The following PTPN4 variants were observed in gnomAD, a reference collection of about 807,000 sequenced individuals.
PTPN4 encodes tyrosine-protein phosphatase non-receptor type 4.
PTPN4 carries 49 observed loss-of-function variants against 135.5 expected under a neutral mutation model. The ratio of observed to expected loss-of-function variants is 0.36; its 90% CI spans 0.29 to 0.46. The LOEUF is 0.46. Among genes scored for constraint, PTPN4 ranks in the 20% least tolerant of loss-of-function variants. PTPN4 has a pLI of 1.00. For synonymous variants in PTPN4, 333 were observed against 369.9 expected (o/e 0.90, Z 1.14); for missense variants, 860 against 1,101.0 (o/e 0.78, Z 3.10).
At chr2:119,943,930 C>T (rs1185168452) in intron 15 of PTPN4, among the ~76,000 whole-genome samples, 1 of 152,054 alleles carries the variant, frequency 6.6e-6, no homozygotes, top group Admixed American at 6.6e-5. Context: ...AAAAGTTACA[C>T]ATTCCACTTC....
chr2:119,824,980 G>A (rs1445987962), intron 2 of PTPN4, among the ~76,000 whole-genome samples: 1 of 152,180 alleles, frequency 6.6e-6, no homozygotes, highest in Non-Finnish European at 1.5e-5. Flanking sequence ...GAGCTACTGT[G>A]CCTGGCCAAA....
chr2:119,903,120 G>A (rs1192942445), intron 10 of PTPN4, among the ~76,000 whole-genome samples: 1 of 152,124 alleles, frequency 6.6e-6, no homozygotes, highest in African/African-American at 2.4e-5. Context: ...CCTGGGGAAT[G>A]GGCAGTGCAG....
chr2:119,869,741 G>A (rs1165171647), intron 3 of PTPN4, among the ~76,000 whole-genome samples: 1 of 152,054 alleles, frequency 6.6e-6, no homozygotes, highest in Non-Finnish European at 1.5e-5. Flanking sequence ...CCTACTTTTG[G>A]TTGCTTTCCA....
At chr2:119,923,451 A>G (rs1574406196) in intron 12 of PTPN4, among the ~76,000 whole-genome samples, 1 of 152,382 alleles carries the variant, frequency 6.6e-6, no homozygotes, top group Non-Finnish European at 1.5e-5. Context: ...TCCTTTGTCA[A>G]CCAAGTCCTA....
chr2:119,836,553 G>GAACA (rs1452857991), intron 2 of PTPN4, among the ~76,000 whole-genome samples: 1 of 152,240 alleles, frequency 6.6e-6, no homozygotes, highest in Middle Eastern at 3.2e-3. Flanking sequence ...CGGGAGCTGG[G>GAACA]AACAGGTGGG....
chr2:119,799,631 T>C (rs867091622), intron 1 of PTPN4, among the ~76,000 whole-genome samples: 1 of 152,198 alleles, frequency 6.6e-6, no homozygotes, highest in East Asian at 1.9e-4. Flanking sequence ...GAAGTTTGCC[T>C]AATTTAGGCA....
At chr2:119,931,733 C>A (rs370641719) in intron 13 of PTPN4, among the ~76,000 whole-genome samples, 1 of 151,950 alleles carries the variant, frequency 6.6e-6, no homozygotes, top group Non-Finnish European at 1.5e-5. Context: ...AGCCACCTCG[C>A]GCATCCAAGA....
rs549071123 is a variant in PTPN4 at position 119,981,961 on chromosome 2, G to A, written c.*4891G>A. The A allele has an allele frequency of 4.6e-5, 7 of 152,160 alleles. No individual in the cohort carries two copies. The highest frequency in any genetic ancestry group is 7.4e-5 in the Non-Finnish European group (5 of 68,006). 9.4% of individuals were successfully genotyped at this position (152,160 alleles called of 1,614,324 possible). A position where few individuals can be genotyped will look rare whatever the true frequency, so the allele number is the denominator to read the frequency against. ...GTAATCCAAGCTAAATGGGCAACCA[G>A]AAGTAATATCTGCTAGGGTGCAATC... On this transcript the variant is annotated 3_prime_UTR_variant, in exon 27 of 27. Coordinates refer to ENST00000263708, the MANE Select transcript of PTPN4 (RefSeq NM_002830.4).
At chr2:119,961,255 A>C (rs1679361558) in intron 23 of PTPN4, among the ~76,000 whole-genome samples, 2 of 152,128 alleles carry the variant, frequency 1.3e-5, no homozygotes, top group Non-Finnish European at 1.5e-5. Context: ...GCAATTTAAA[A>C]ATGGGCAATG....
In PTPN4 at chr2:119,983,028, G is replaced by T. The variant is rs1474584276; in HGVS notation, c.*5958G>T. ...TCACTCATGAAACTTGACTCAGTGA[G>T]GACTTCATTATTTTTATTTCTCTTT... On this transcript the variant is annotated 3_prime_UTR_variant, in exon 27 of 27. Transcript: ENST00000263708. The T allele has an allele frequency of 6.6e-6, 1 of 152,112 alleles. No individual in the cohort carries two copies. 9.4% of individuals were successfully genotyped at this position (152,112 alleles called of 1,614,324 possible).
At chr2:119,873,253 C>G (rs1033416061) in intron 3 of PTPN4, among the ~76,000 whole-genome samples, 2 of 151,226 alleles carry the variant, frequency 1.3e-5, no homozygotes, top group Admixed American at 6.6e-5. Flanking sequence ...CAGAAAGATA[C>G]AGATATGCAA....
At chr2:119,927,684 A>G (rs894660427) in intron 13 of PTPN4, among the ~76,000 whole-genome samples, 12 of 152,190 alleles carry the variant, frequency 7.9e-5, no homozygotes, top group Non-Finnish European at 1.5e-4. Context: ...TAGAGACAAG[A>G]GTTTGTTTTC....
intron 2 of PTPN4, among the ~76,000 whole-genome samples, chr2:119,814,190 C>G (rs1456680947): frequency 6.6e-6 from 1 of 152,142 alleles, no homozygotes; most frequent in African/African-American, 2.4e-5. Context: ...TGCCAGTCTT[C>G]TTAGAGCTGA....
chr2:119,885,762 G>T (rs770717048), intron 8 of PTPN4, 33 bp from the exon 9 acceptor site: 11 of 1,389,232 alleles, frequency 7.9e-6, no homozygotes, highest in Middle Eastern at 1.9e-4. Context: ...TTGATTGATT[G>T]ATCTCATTTT....
chr2:119,782,742 G>C (rs1429254724), intron 1 of PTPN4, among the ~76,000 whole-genome samples: 1 of 114,474 alleles, frequency 8.7e-6, no homozygotes, highest in Non-Finnish European at 1.6e-5. Context: ...ACCTCACTCT[G>C]TCATCCAGGC....
chr2:119,837,794 G>A (rs577502833), intron 2 of PTPN4, among the ~76,000 whole-genome samples: 2 of 152,226 alleles, frequency 1.3e-5, no homozygotes, highest in Non-Finnish European at 2.9e-5. Context: ...AGGCACCACC[G>A]TGTTCCCCTC....
intron 2 of PTPN4, among the ~76,000 whole-genome samples, chr2:119,810,193 T>C (rs1217280579): frequency 7.2e-5 from 11 of 152,236 alleles, no homozygotes; most frequent in Non-Finnish European, 1.3e-4. Context: ...CTGGATGTTG[T>C]TGAGAAACCA....
chr2:119,889,207 C>T (rs1363367115), intron 9 of PTPN4, among the ~76,000 whole-genome samples: 1 of 152,090 alleles, frequency 6.6e-6, no homozygotes, highest in Non-Finnish European at 1.5e-5. Context: ...ATCACGAGGT[C>T]AGGAGATTGA....
At position 119,844,929 on chromosome 2, in the gene PTPN4, C is replaced by T. The variant is rs1158367981; in HGVS notation, c.139-17607C>T. On this transcript the variant is annotated intron_variant, in intron 2 of 26. Transcript: ENST00000263708. ...CTGGGAGGTGTAGGTTGTAGTGAGCCGAGATCACGCCACTGCACTCCAGCC... is the reference window on the plus strand; with the variant it reads ...CTGGGAGGTGTAGGTTGTAGTGAGCTGAGATCACGCCACTGCACTCCAGCC... 2.0e-5 allele frequency among the ~76,000 whole-genome samples: 3 copies of T among 151,284 alleles called. No homozygotes were observed. In the South Asian group the frequency reaches 6.3e-4, roughly 32 times the overall value.
Sources: allele counts gnomAD v4.1 joint callset (sites outside exome capture counted in the v4.1 genomes callset), GRCh38; gene constraint gnomAD v4.1.1; transcripts MANE v1.5; gene names NCBI Gene and HGNC (gene_info 2026-07-23, HGNC 2026-07-21).